ZBBX: variants seen among roughly 807,000 people sequenced by gnomAD.
ZBBX encodes the protein zinc finger B-box domain containing.
Under a neutral mutation model 108.5 loss-of-function variants are expected in ZBBX, and 101 were observed. The observed-to-expected ratio is 0.93, with a 90% CI of 0.79 to 1.10. The LOEUF (loss-of-function observed/expected upper bound fraction) is 1.10, where lower values mean the gene tolerates loss of function less well. ZBBX is among the 50% of genes least tolerant of loss of function. The probability of loss-of-function intolerance (pLI) is 0.00; values close to 1 mark genes in which losing one functional copy is unlikely to be tolerated. For missense variants in ZBBX, 1,009 were observed against 941.4 expected (o/e 1.07, Z -0.94); for synonymous variants, 356 against 323.4 (o/e 1.10, Z -1.08).
At chr3:167,375,700 T>G (rs1746851806) in intron 2 of ZBBX, among the ~76,000 whole-genome samples, 1 of 152,104 alleles carries the variant, frequency 6.6e-6, no homozygotes, top group African/African-American at 2.4e-5. Flanking sequence ...AACTATTTTT[T>G]TTTCACTCAA....
the ZBBX span, among the ~76,000 whole-genome samples, chr3:167,234,293 T>C: frequency 0.013 from 2,030 of 152,002 alleles, 22 homozygotes; most frequent in South Asian, 0.026. Context: ...AATACCCTAA[T>C]ATTGGAACAC....
At chr3:167,303,596 T>C (rs1366517104) in intron 17 of ZBBX, among the ~76,000 whole-genome samples, 2 of 152,200 alleles carry the variant, frequency 1.3e-5, no homozygotes, top group Non-Finnish European at 2.9e-5. Context: ...TACCTGAATT[T>C]TTCTCTAAAC....
At chr3:167,288,786 G>T in intron 19 of ZBBX, 81 bp downstream of exon 19, 1 of 678,752 alleles carries the variant, frequency 1.5e-6, no homozygotes. Flanking sequence ...AATTGCAGGT[G>T]CCTACTAAAC....
intron 20 of ZBBX, among the ~76,000 whole-genome samples, chr3:167,274,319 A>G (rs6444197): frequency 0.82 from 124,664 of 152,152 alleles, 51,464 homozygotes; most frequent in African/African-American, 0.93. Context: ...TATTCTTGTT[A>G]GGTGTTGCAT....
the ZBBX span, among the ~76,000 whole-genome samples, chr3:167,222,179 T>C: frequency 6.9e-6 from 1 of 145,788 alleles, no homozygotes; most frequent in South Asian, 2.2e-4. Flanking sequence ...GATGAATAGA[T>C]AAAGAAAATG....
intron 4 of ZBBX, among the ~76,000 whole-genome samples, chr3:167,369,104 A>G (rs1377995952): frequency 6.6e-6 from 1 of 152,170 alleles, no homozygotes; most frequent in Non-Finnish European, 1.5e-5. Context: ...CCCTATTAAC[A>G]GTTTTGGTAC....
chr3:167,369,858 A>G (rs1405770313), intron 4 of ZBBX, among the ~76,000 whole-genome samples: 3 of 152,052 alleles, frequency 2.0e-5, no homozygotes, highest in African/African-American at 4.8e-5. Flanking sequence ...GCAGTGTTCC[A>G]GAAAGAAAGG....
chr3:167,386,802 T>C (rs1017933794), intron 1 of ZBBX, among the ~76,000 whole-genome samples: 5 of 152,066 alleles, frequency 3.3e-5, no homozygotes, highest in African/African-American at 1.2e-4. Context: ...ATGCACTGTT[T>C]GCTGTACTTC....
chr3:167,314,116 A>G lies in ZBBX; in HGVS notation c.1275T>C (p.Ser425=). 2 of 1,580,252 alleles carry G rather than the reference A, an allele frequency of 1.3e-6. No individual in the cohort carries two copies. Among genetic ancestry groups the G allele is most frequent in the Non-Finnish European group, 1.7e-6 (2 of 1,167,192 alleles). Residue 425 remains serine (S), a splice_region_variant and synonymous_variant, in exon 16 of 22, where the codon AGT becomes AGC. Transcript: ENST00000675490. ...TCTTCTGACAATCATGAAAAGCACA[A>G]CTTTCACATGTAGGAACAAACAAAA... ...VKLADADSQR[S]CAFHDCQKNS... is the part of the protein sequence containing the mutation.
chr3:167,395,305 A>G (rs1373382271), intron 1 of ZBBX, among the ~76,000 whole-genome samples: 2 of 152,078 alleles, frequency 1.3e-5, no homozygotes, highest in African/African-American at 2.4e-5. Flanking sequence ...TTTAAGTTTT[A>G]TAAATAACAG....
At chr3:167,351,386 G>T (rs1742622026) in intron 8 of ZBBX, among the ~76,000 whole-genome samples, 1 of 152,124 alleles carries the variant, frequency 6.6e-6, no homozygotes, top group Non-Finnish European at 1.5e-5. Context: ...AAAGTATCAA[G>T]TAGATATTCA....
intron 1 of ZBBX, among the ~76,000 whole-genome samples, chr3:167,397,143 A>AAAG (rs1491271988): frequency 4.8e-4 from 32 of 66,690 alleles, no homozygotes; most frequent in African/African-American, 2.1e-3. Context: ...TCTTGGTGGT[A>AAAG]AAAAAAAAAA....
At chr3:167,307,533 C>T (rs1333281773) in intron 16 of ZBBX, among the ~76,000 whole-genome samples, 4 of 152,068 alleles carry the variant, frequency 2.6e-5, no homozygotes, top group Non-Finnish European at 1.5e-5. Context: ...GCAAAAAGAG[C>T]AAAACTGGAG....
chr3:167,287,182 T>G (rs1168603368), intron 19 of ZBBX, among the ~76,000 whole-genome samples: 1 of 152,102 alleles, frequency 6.6e-6, no homozygotes, highest in Non-Finnish European at 1.5e-5. Flanking sequence ...AATTACCTAT[T>G]AAGGTCCAAA....
At chr3:167,207,212 C>T in the ZBBX span, among the ~76,000 whole-genome samples, 5 of 152,300 alleles carry the variant, frequency 3.3e-5, no homozygotes, top group South Asian at 8.3e-4. Flanking sequence ...TTGCAAATCA[C>T]ATGTCTGATA....
chr3:167,334,452 T>C (rs1391336140), intron 9 of ZBBX, among the ~76,000 whole-genome samples: 1 of 151,970 alleles, frequency 6.6e-6, no homozygotes, highest in Non-Finnish European at 1.5e-5. Context: ...TGTGTGCCTG[T>C]AGTCTCCGCT....
chr3:167,333,632 T>C (rs1402204569), intron 10 of ZBBX, among the ~76,000 whole-genome samples, 195 bp downstream of exon 10: 1 of 152,192 alleles, frequency 6.6e-6, no homozygotes, highest in Non-Finnish European at 1.5e-5. Flanking sequence ...AGAGTAGTGT[T>C]CAGTGGAATC....
At chr3:167,348,368 G>GAAAGAAAGAA (rs1431515037) in intron 9 of ZBBX, among the ~76,000 whole-genome samples, 2 of 111,586 alleles carry the variant, frequency 1.8e-5, no homozygotes, top group Non-Finnish European at 3.8e-5. Flanking sequence ...AAGAAAGAAA[G>GAAAGAAAGAA]AAAAAAAAGA....
downstream of ZBBX, among the ~76,000 whole-genome samples, chr3:167,239,571 T>C (rs1720379791): frequency 6.6e-6 from 1 of 152,126 alleles, no homozygotes. Flanking sequence ...TTTCCTTTTC[T>C]CTGACTTACT....
Sources: allele counts gnomAD v4.1 joint callset (sites outside exome capture counted in the v4.1 genomes callset), GRCh38; gene constraint gnomAD v4.1.1; transcripts MANE v1.5; gene names NCBI Gene and HGNC (gene_info 2026-07-23, HGNC 2026-07-21).